Variants in UBR3 observed in about 807,000 individuals in gnomAD.
The protein encoded by UBR3 is E3 ubiquitin-protein ligase UBR3.
Under a neutral mutation model 243.2 loss-of-function variants are expected in UBR3, and 85 were observed. The ratio of observed to expected loss-of-function variants is 0.35; its 90% CI spans 0.29 to 0.42. The LOEUF is 0.42. UBR3 is among the 10% of genes least tolerant of loss of function. UBR3 has a pLI of 1.00. For synonymous variants in UBR3, 748 were observed against 799.8 expected (o/e 0.94, Z 1.09); for missense variants, 1,686 against 2,300.8 (o/e 0.73, Z 5.47).
chr2:169,954,229 T>A (rs1282582237), intron 23 of UBR3, among the ~76,000 whole-genome samples: 4 of 151,458 alleles, frequency 2.6e-5, no homozygotes, highest in Admixed American at 2.6e-4. Flanking sequence ...TCTTGTCTTC[T>A]CTTCTTAATT....
At chr2:170,012,593 T>C (rs1481359871) in intron 29 of UBR3, among the ~76,000 whole-genome samples, 1 of 151,946 alleles carries the variant, frequency 6.6e-6, no homozygotes, top group Non-Finnish European at 1.5e-5. Context: ...CTTCTTTCTG[T>C]CCCAGGAAAG....
intron 27 of UBR3, among the ~76,000 whole-genome samples, chr2:170,004,550 C>G: frequency 6.6e-6 from 1 of 152,040 alleles, no homozygotes; most frequent in East Asian, 1.9e-4. Context: ...TAACCTCATG[C>G]TCCTAGAGTA....
Position 170,039,269 on chromosome 2 carries a change from G to T in UBR3, c.4557-1613G>T, listed in dbSNP as rs551029345. Among the ~76,000 whole-genome samples the T allele has an allele frequency of 2.6e-5, 4 of 152,194 alleles. No homozygotes were observed. The East Asian group carries it at 7.7e-4, about 29-fold the overall frequency. On this transcript the variant is annotated intron_variant, in intron 31 of 38. Transcript: ENST00000272793. ...AGCTGTATCTAAAGTCAAGTCAAGG[G>T]TCTGTAAGATAAGGATTTAAAATGT...
chr2:169,875,374 G>C (rs1045097113), intron 2 of UBR3, among the ~76,000 whole-genome samples: 8 of 152,126 alleles, frequency 5.3e-5, no homozygotes. Flanking sequence ...CTGTTGCCCA[G>C]GCTGGAGTAC....
At chr2:169,987,204 C>T (rs1189057155) in intron 25 of UBR3, among the ~76,000 whole-genome samples, 1 of 151,826 alleles carries the variant, frequency 6.6e-6, no homozygotes, top group Non-Finnish European at 1.5e-5. Context: ...GCCTACATGG[C>T]CAACATGGTG....
At chr2:170,076,320 T>TA (rs1171056322) in intron 36 of UBR3, among the ~76,000 whole-genome samples, 5 of 152,224 alleles carry the variant, frequency 3.3e-5, no homozygotes, top group African/African-American at 1.2e-4. Flanking sequence ...TTTCACATCT[T>TA]ACCTGCCTGG....
rs1172917493 is a variant in UBR3, at chr2:169,880,863, T to G, written c.1038+2289T>G. Among the ~76,000 whole-genome samples, 3 of 152,156 alleles carry G rather than the reference T, an allele frequency of 2.0e-5. No individual in the cohort carries two copies. In the East Asian group the frequency reaches 5.8e-4, roughly 29 times the overall value. Reference sequence around the variant, plus strand: ...TACTTAAAGTGAGAATATATGGTATTTGGTTTTCTGTTCCTACATTAGTTG... The same window carrying G: ...TACTTAAAGTGAGAATATATGGTATGTGGTTTTCTGTTCCTACATTAGTTG... On this transcript the variant is annotated intron_variant, in intron 5 of 38. Coordinates refer to ENST00000272793, the MANE Select transcript of UBR3 (RefSeq NM_172070.4).
In UBR3 at chr2:170,079,852, C is replaced by T. The variant is rs1288708825; in HGVS notation, c.5238C>T (p.His1746=). 4.3e-6 allele frequency: 7 copies of T among 1,613,948 alleles called. No individual in the cohort carries two copies. The highest frequency in any genetic ancestry group is 3.3e-5 in the South Asian group (3 of 91,034). The change falls in exon 37 of 39, where the codon CAC becomes CAT. Residue 1746 remains histidine, a synonymous_variant. Coordinates refer to ENST00000272793, the MANE Select transcript of UBR3 (RefSeq NM_172070.4). ...AAGAGTCAAAATGGAAATTACCACA[C>T]CTACTACAGTTGCCTGAGAATTATA... ...LIQESKWKLP[H]LLQLPENYNT...
chr2:170,006,114 A>G (rs999262561), intron 27 of UBR3, among the ~76,000 whole-genome samples: 9 of 152,194 alleles, frequency 5.9e-5, no homozygotes, highest in African/African-American at 2.2e-4. Flanking sequence ...TTCTGTGACC[A>G]GGACCCTTGC....
At chr2:169,986,911 G>A in intron 25 of UBR3, 117 bp downstream of exon 25, 2 of 1,089,030 alleles carry the variant, frequency 1.8e-6, no homozygotes, top group Non-Finnish European at 2.6e-6. Context: ...ACTAGGCAAG[G>A]GTCAGTTTAG....
intron 27 of UBR3, among the ~76,000 whole-genome samples, chr2:170,005,315 T>C (rs1422517802): frequency 1.3e-5 from 2 of 152,204 alleles, no homozygotes; most frequent in Non-Finnish European, 2.9e-5. Context: ...CCAGGCAGTA[T>C]TCAAGGACAA....
chr2:169,981,020 C>A (rs922700945), intron 24 of UBR3, among the ~76,000 whole-genome samples: 5 of 151,548 alleles, frequency 3.3e-5, no homozygotes, highest in Non-Finnish European at 7.4e-5. Flanking sequence ...TTCCAGTGGC[C>A]AAAGCTGGAA....
rs565037452 is a variant in UBR3, at chr2:170,017,382, T to G, written c.4453+2016T>G. On this transcript the variant is annotated intron_variant, in intron 30 of 38. Transcript: ENST00000272793. ...TGATTAAGCAAATGATAAGGGAACT[T>G]TTTTCATTCTAAGAATATCACACTT... Among the ~76,000 whole-genome samples the G allele has an allele frequency of 3.8e-3, 578 of 152,220 alleles. 3 individuals carry two copies. Among genetic ancestry groups the G allele is most frequent in the Admixed American group, 6.6e-3 (101 of 15,262 alleles).
In UBR3 at chr2:169,861,888, A is replaced by G. The variant is rs149743482; in HGVS notation, c.546-10348A>G. ...TATGTTAGGAATTTATTATCAAGGT[A>G]TAAGATGTGAGGAAGTTCCTCCCGC... On this transcript the variant is annotated intron_variant, in intron 1 of 38. Coordinates refer to ENST00000272793, the MANE Select transcript of UBR3 (RefSeq NM_172070.4). Among the ~76,000 whole-genome samples the G allele has an allele frequency of 7.3e-3, 1,112 of 152,324 alleles. 23 individuals carry two copies. Among genetic ancestry groups the G allele is most frequent in the African/African-American group, 0.025 (1,035 of 41,570 alleles).
In UBR3 at chr2:170,073,477, C is replaced by T. The variant is rs148041362; in HGVS notation, c.5069C>T (p.Thr1690Met). The change falls in exon 36 of 39, where the codon ACG (threonine) becomes ATG (methionine). Residue 1690 changes from threonine to methionine, a missense_variant. By Grantham distance (81) the Thr-to-Met change is moderately conservative (BLOSUM62 -1). Coordinates refer to ENST00000272793, the MANE Select transcript of UBR3 (RefSeq NM_172070.4). Reference protein sequence around the residue: ...VLASCLGLLPTFYQTEHPFIS... With the variant: ...VLASCLGLLPMFYQTEHPFIS... ...GCCAGCTGCCTGGGACTTCTGCCAA[C>T]GTTTTACCAAACAGAACATCCATTC... 5.4e-5 allele frequency: 87 copies of T among 1,613,646 alleles called. No homozygotes were observed. The highest frequency in any genetic ancestry group is 2.5e-5 in the Non-Finnish European group (30 of 1,179,702).
Position 169,986,761 on chromosome 2 carries a change from A to G in UBR3, c.3751A>G (p.Thr1251Ala), listed in dbSNP as rs1201662689. The G allele has an allele frequency of 8.1e-6, 13 of 1,614,096 alleles. No individual in the cohort carries two copies. Among genetic ancestry groups the G allele is most frequent in the East Asian group, 4.5e-5 (2 of 44,868 alleles). The change falls in exon 25 of 39, where the codon ACT (threonine) becomes GCT (alanine). Residue 1251 changes from threonine to alanine, a missense_variant. By Grantham distance (58) the Thr-to-Ala change is moderately conservative. This residue lies in a region of UBR3 where 156 missense variants were observed against 246.3 expected (regional missense o/e 0.63). Coordinates refer to ENST00000272793, the MANE Select transcript of UBR3 (RefSeq NM_172070.4). Reference sequence around the variant, plus strand: ...TGGCCCCTCCTCTGAAGATCGACCTACTGGATTAGTTGTACTGTTACAAGC... The same window carrying G: ...TGGCCCCTCCTCTGAAGATCGACCTGCTGGATTAGTTGTACTGTTACAAGC... The part of the protein sequence containing the change: ...QSGPSSEDRP[T>A]GLVVLLQASS...
At chr2:169,880,819 T>A (rs1397891980) in intron 5 of UBR3, among the ~76,000 whole-genome samples, 1 of 152,164 alleles carries the variant, frequency 6.6e-6, no homozygotes, top group Non-Finnish European at 1.5e-5. Context: ...GTGTCGATAT[T>A]TTCTCATTAT....
intron 5 of UBR3, among the ~76,000 whole-genome samples, chr2:169,888,024 C>T (rs954150931): frequency 2.0e-4 from 30 of 152,044 alleles, no homozygotes; most frequent in Non-Finnish European, 3.4e-4. Context: ...GATCCGCCCA[C>T]CTCTGCCTCC....
intron 19 of UBR3, among the ~76,000 whole-genome samples, chr2:169,935,549 T>C (rs1278826203): frequency 6.6e-6 from 1 of 152,242 alleles, no homozygotes; most frequent in African/African-American, 2.4e-5. Flanking sequence ...ATAAAGCATC[T>C]GTTTTAAATT....
Sources: gnomAD v4.1 joint callset for allele counts (sites outside exome capture counted in the v4.1 genomes callset) on GRCh38, gnomAD v4.1.1 for gene constraint, gnomAD v4.1.1 regional missense constraint, MANE v1.5 for transcripts, NCBI Gene and HGNC (gene_info 2026-07-23, HGNC 2026-07-21) for gene names.